The following ELMO1 variants were observed in gnomAD, a reference collection of about 807,000 sequenced individuals.
ELMO1 encodes the protein engulfment and cell motility protein 1.
ELMO1 carries 26 observed loss-of-function variants against 98.9 expected under a neutral mutation model. The ratio of observed to expected loss-of-function variants is 0.26; its 90% confidence interval spans 0.19 to 0.36. The LOEUF (loss-of-function observed/expected upper bound fraction) is 0.36, where lower values mean the gene tolerates loss of function less well. Among genes scored for constraint, ELMO1 ranks in the 10% least tolerant of loss-of-function variants. The pLI is 1.00. For synonymous variants in ELMO1, 346 were observed against 346.0 expected, an observed-to-expected ratio of 1.00 and a Z score of 0.00; for missense variants, 627 against 935.2, an observed-to-expected ratio of 0.67 and a Z score of 4.30.
intron 13 of ELMO1, among the ~76,000 whole-genome samples, chr7:37,148,181 A>G (rs754951921): frequency 6.6e-6 from 1 of 152,218 alleles, no homozygotes; most frequent in Non-Finnish European, 1.5e-5. Context: ...ACTGTGCAAG[A>G]CAGAAATGAT....
chr7:37,058,418 CCTCT>C (rs1796501475), intron 15 of ELMO1, among the ~76,000 whole-genome samples: 1 of 151,950 alleles, frequency 6.6e-6, no homozygotes, highest in African/African-American at 2.4e-5. Flanking sequence ...CATGCACCAA[CCTCT>C]CTCTCTCTTG....
chr7:36,946,916 A>G (rs1787539192), intron 16 of ELMO1, among the ~76,000 whole-genome samples: 1 of 152,244 alleles, frequency 6.6e-6, no homozygotes, highest in African/African-American at 2.4e-5. Flanking sequence ...AGCAAAATTT[A>G]AAAATAATCA....
intron 17 of ELMO1, among the ~76,000 whole-genome samples, chr7:36,891,043 C>T (rs1372732678): frequency 6.6e-6 from 1 of 152,214 alleles, no homozygotes; most frequent in East Asian, 1.9e-4. Context: ...CCTTACAAGT[C>T]TGTACTCAAT....
At chr7:37,214,685 G>A (rs1029973521) in intron 11 of ELMO1, among the ~76,000 whole-genome samples, 3 of 152,168 alleles carry the variant, frequency 2.0e-5, no homozygotes, top group African/African-American at 7.2e-5. Context: ...GGATGGTTAG[G>A]AGCAAATCAA....
At chr7:37,367,509 G>C (rs1801951414) in intron 1 of ELMO1, among the ~76,000 whole-genome samples, 1 of 152,210 alleles carries the variant, frequency 6.6e-6, no homozygotes. Context: ...GGGCACCATT[G>C]ATTTCTTAGT....
chr7:37,314,847 T>C lies in ELMO1; in HGVS notation c.192+3A>G, dbSNP rs1203484770. The C allele has an allele frequency of 1.1e-5, 17 of 1,612,412 alleles. No individual in the cohort carries two copies. The highest frequency in any genetic ancestry group is 1.4e-5 in the Non-Finnish European group (17 of 1,179,186). ...CCCATATTAAATAATGTAGTTGACC[T>C]ACCTTTTCTGTGATATAGAAGTTTG... On this transcript the variant is annotated splice_donor_region_variant and intron_variant, in intron 4 of 21. Coordinates refer to ENST00000310758, the MANE Select transcript of ELMO1 (RefSeq NM_014800.11).
At chr7:37,254,338 T>C (rs1795523111) in intron 6 of ELMO1, among the ~76,000 whole-genome samples, 2 of 152,228 alleles carry the variant, frequency 1.3e-5, no homozygotes, top group Non-Finnish European at 2.9e-5. Context: ...AAGCTCTGTT[T>C]ATCTGTCTGA....
chr7:37,075,555 C>T (rs1797528718), intron 15 of ELMO1, among the ~76,000 whole-genome samples: 1 of 151,704 alleles, frequency 6.6e-6, no homozygotes, highest in Non-Finnish European at 1.5e-5. Flanking sequence ...AGGCCTAGCT[C>T]CAGGAGGATG....
At chr7:37,001,724 C>T (rs923702133) in intron 16 of ELMO1, among the ~76,000 whole-genome samples, 10 of 152,096 alleles carry the variant, frequency 6.6e-5, no homozygotes, top group Admixed American at 5.9e-4. Context: ...GGGAATGAGA[C>T]ATGAAAATGC....
chr7:37,196,769 T>G (rs1361561608), intron 13 of ELMO1, among the ~76,000 whole-genome samples: 2 of 152,218 alleles, frequency 1.3e-5, no homozygotes, highest in Non-Finnish European at 2.9e-5. Context: ...TGGGCAGGTT[T>G]CAAATCTTCT....
chr7:37,054,889 T>C (rs886796440), intron 15 of ELMO1, among the ~76,000 whole-genome samples: 1 of 152,234 alleles, frequency 6.6e-6, no homozygotes, highest in African/African-American at 2.4e-5. Context: ...GCTGTAAATG[T>C]GAAACAGACA....
At chr7:37,236,874 C>T (rs891084572) in intron 7 of ELMO1, among the ~76,000 whole-genome samples, 4 of 152,232 alleles carry the variant, frequency 2.6e-5, no homozygotes. Flanking sequence ...GGCTCCAAAC[C>T]GGGAAAGCAG....
In ELMO1 at chr7:37,409,124, T is replaced by G. The variant is rs574963498; in HGVS notation, c.-74+39551A>C. 8.4e-5 allele frequency among the ~76,000 whole-genome samples: 11 copies of G among 130,272 alleles called. No homozygotes were observed. In the East Asian group the frequency reaches 2.4e-3, roughly 28 times the overall value. 85.5% of individuals were successfully genotyped at this position (130,272 alleles called of 152,430 possible). A position where few individuals can be genotyped will look rare whatever the true frequency, so the allele number is the denominator to read the frequency against. On this transcript the variant is annotated intron_variant, in intron 1 of 21. Transcript: ENST00000310758. ...CCGGAAGCTGACACACAGCAGAGTT[T>G]TGCAAGTGAAAAAAAAAAAAAAGTG... is the stretch of plus-strand genomic sequence containing the variant.
intron 16 of ELMO1, among the ~76,000 whole-genome samples, chr7:36,974,305 C>T (rs1010911797): frequency 1.1e-4 from 16 of 152,154 alleles, no homozygotes; most frequent in Admixed American, 2.0e-4. Context: ...GTGCACCAAT[C>T]GACACTCTGT....
chr7:37,259,285 G>A lies in ELMO1; in HGVS notation c.309C>T (p.Ala103=). 1.2e-6 allele frequency: 2 copies of A among 1,614,098 alleles called. No individual in the cohort carries two copies. The highest frequency in any genetic ancestry group is 2.2e-5 in the South Asian group (2 of 91,078). ...QSSSMDAKLE[A]LKDLASLSRD... ...GGGAGAGGCTGGCCAAGTCCTTCAG[G>A]GCTTCCAGCTTGGCATCCATACTCG... The change falls in exon 6 of 22, where the codon GCC becomes GCT. Residue 103 remains alanine, a synonymous_variant. Coordinates refer to ENST00000310758, the MANE Select transcript of ELMO1 (RefSeq NM_014800.11).
chr7:37,388,071 C>CA (rs1200232946), intron 1 of ELMO1, among the ~76,000 whole-genome samples: 1 of 152,140 alleles, frequency 6.6e-6, no homozygotes, highest in Non-Finnish European at 1.5e-5. Flanking sequence ...CTCCTGGCCC[C>CA]AAGCAATCCT....
At chr7:37,156,651 A>C (rs1452705738) in intron 13 of ELMO1, among the ~76,000 whole-genome samples, 1 of 152,238 alleles carries the variant, frequency 6.6e-6, no homozygotes, top group Non-Finnish European at 1.5e-5. Flanking sequence ...TAGAACAATA[A>C]CAGGTTCTGA....
intron 15 of ELMO1, among the ~76,000 whole-genome samples, chr7:37,061,746 T>C (rs1796679049): frequency 1.3e-5 from 2 of 152,148 alleles, no homozygotes; most frequent in Admixed American, 1.3e-4. Context: ...ATAAACAAAT[T>C]ATACTGAAAT....
At chr7:37,366,960 T>TATGTGATGAA (rs113150059) in intron 1 of ELMO1, among the ~76,000 whole-genome samples, 2,506 of 152,312 alleles carry the variant, frequency 0.016, 68 homozygotes, top group African/African-American at 0.057. Context: ...TACTAAAATA[T>TATGTGATGAA]ACTTACATAG....
Sources: gnomAD v4.1 joint callset for allele counts (sites outside exome capture counted in the v4.1 genomes callset) on GRCh38, gnomAD v4.1.1 for gene constraint, MANE v1.5 for transcripts, NCBI Gene and HGNC (gene_info 2026-07-23, HGNC 2026-07-21) for gene names.